The following APOE variants were observed in gnomAD, a reference collection of about 807,000 sequenced individuals.
The protein encoded by APOE is apolipoprotein E, also known as apolipoprotein E3.
In APOE, 10 loss-of-function variants were observed where a neutral mutation model predicts 13.1. That is an observed-to-expected ratio of 0.76 (90% confidence interval 0.47 to 1.29). The LOEUF (loss-of-function observed/expected upper bound fraction) is 1.29, where lower values mean the gene tolerates loss of function less well. Among genes scored for constraint, APOE ranks in the 50% most tolerant of loss-of-function variants. The pLI, the probability that APOE is intolerant of heterozygous loss-of-function variation, is 0.00. For missense variants in APOE, 471 were observed against 459.6 expected, an observed-to-expected ratio of 1.02 and a Z score of -0.23; for synonymous variants, 211 against 207.1, an observed-to-expected ratio of 1.02 and a Z score of -0.16.
intron 3 of APOE, 55 bp from the exon 4 acceptor site, chr19:44,908,478 C>CA: frequency 6.3e-7 from 1 of 1,588,896 alleles, no homozygotes; most frequent in South Asian, 1.1e-5. Flanking sequence ...CGCCCCATCC[C>CA]AGCCCTTCTC....
At position 44,907,252 on chromosome 19, in the gene APOE, A is replaced by T. The variant is rs148558158; in HGVS notation, c.44-508A>T. 145 of 213,196 alleles carry T rather than the reference A, an allele frequency of 6.8e-4. No homozygotes were observed. The highest frequency in any genetic ancestry group is 2.9e-3 in the African/African-American group (127 of 43,868). The allele number at this position is 213,196 out of a possible 1,614,324, so 13.2% of individuals were successfully genotyped here. On this transcript the variant is annotated intron_variant, in intron 2 of 3. Coordinates refer to ENST00000252486, the MANE Select transcript of APOE (RefSeq NM_000041.4). This position sits in a 1 kb window ranked among gnomAD's most constrained non-coding sequence, Gnocchi z 4.1. ...CAGACACGGGGCAGCTGTGATCTTT[A>T]TTCTCCATCACCCCCACACAGCCCT...
intron 3 of APOE, 144 bp downstream of exon 3, chr19:44,908,096 TG>T (rs1342653825): frequency 3.8e-6 from 3 of 783,494 alleles, no homozygotes; most frequent in Non-Finnish European, 6.5e-6. Context: ...TTCTGACTCC[TG>T]GCTTTAGCTC....
intron 1 of APOE, 155 bp downstream of exon 1, chr19:44,905,996 C>T: frequency 8.5e-7 from 1 of 1,171,102 alleles, no homozygotes; most frequent in Non-Finnish European, 1.1e-6. Context: ...CAGCAGGGGA[C>T]TGGACCTGGG....
rs11542029 is a variant in APOE at position 44,907,864 on chromosome 19, C to A, written c.148C>A (p.Arg50Ser). Residue 50 changes from arginine to serine, a missense_variant, in exon 3 of 4, where the codon CGC (arginine) becomes AGC (serine). Transcript: ENST00000252486. The surrounding 1 kb of genome is among the most constrained non-coding windows in gnomAD (Gnocchi z 4.1). ...SGQRWELALGRFWDYLRWVQT... is the reference protein window; with the variant it reads ...SGQRWELALGSFWDYLRWVQT... Reference sequence around the variant, plus strand: ...CCAGCGCTGGGAACTGGCACTGGGTCGCTTTTGGGATTACCTGCGCTGGGT... The same window carrying A: ...CCAGCGCTGGGAACTGGCACTGGGTAGCTTTTGGGATTACCTGCGCTGGGT... The A allele has an allele frequency of 1.9e-6, 3 of 1,613,896 alleles. No individual in the cohort carries two copies. The highest frequency in any genetic ancestry group is 1.3e-5 in the African/African-American group (1 of 74,920).
At chr19:44,906,578 G>A (rs553917464) in intron 1 of APOE, 24 bp from the exon 2 acceptor site, 6 of 1,614,016 alleles carry the variant, frequency 3.7e-6, no homozygotes, top group Non-Finnish European at 5.1e-6. Context: ...ACTGGCGGTT[G>A]ATTGACAGTT....
rs11542039 is a variant in APOE at position 44,908,722 on chromosome 19, C to G, written c.426C>G (p.Ala142=). 1.3e-6 allele frequency: 2 copies of G among 1,559,356 alleles called. No homozygotes were observed. Among genetic ancestry groups the G allele is most frequent in the East Asian group, 2.4e-5 (1 of 41,630 alleles). The change falls in exon 4 of 4, where the codon GCC becomes GCG. Residue 142 remains alanine, a synonymous_variant. Coordinates refer to ENST00000252486, the MANE Select transcript of APOE (RefSeq NM_000041.4). ...RLVQYRGEVQ[A]MLGQSTEELR... The stretch of plus-strand genomic sequence containing the variant: ...TGCAGTACCGCGGCGAGGTGCAGGC[C>G]ATGCTCGGCCAGAGCACCGAGGAGC...
rs121918398 is a variant in APOE, at chr19:44,909,171, G to T, written c.875G>T (p.Arg292Leu). The stretch of plus-strand genomic sequence containing the variant: ...GAGCCCCTGGTGGAAGACATGCAGC[G>T]CCAGTGGGCCGGGCTGGTGGAGAAG... The part of the protein sequence containing the change: ...WFEPLVEDMQ[R>L]QWAGLVEKVQ... The change falls in exon 4 of 4, where the codon CGC (arginine) becomes CTC (leucine). Residue 292 changes from arginine to leucine, a missense_variant. Transcript: ENST00000252486. The T allele has an allele frequency of 1.9e-6, 3 of 1,600,198 alleles. No individual in the cohort carries two copies. The highest frequency in any genetic ancestry group is 8.5e-7 in the Non-Finnish European group (1 of 1,178,892).
intron 3 of APOE, 86 bp from the exon 4 acceptor site, chr19:44,908,447 C>G: frequency 7.2e-7 from 1 of 1,398,552 alleles, no homozygotes. Context: ...TTGGGTCTCT[C>G]TGGCTCATCC....
Position 44,907,991 on chromosome 19 carries a change from G to A in APOE, c.236+39G>A, listed in dbSNP as rs1195446500. On this transcript the variant is annotated intron_variant, in intron 3 of 3. Coordinates refer to ENST00000252486, the MANE Select transcript of APOE (RefSeq NM_000041.4). This position sits in a 1 kb window ranked among gnomAD's most constrained non-coding sequence, Gnocchi z 4.1. ...TCCTGGCCCTTGACCCTCCTGGTGGGCGGCTATACCTCCCCAGGTCCAGGT... is the reference window on the plus strand; with the variant it reads ...TCCTGGCCCTTGACCCTCCTGGTGGACGGCTATACCTCCCCAGGTCCAGGT... 12 of 1,597,108 alleles carry A rather than the reference G, an allele frequency of 7.5e-6. No individual in the cohort carries two copies. The highest frequency in any genetic ancestry group is 1.3e-5 in the African/African-American group (1 of 74,534).
Position 44,907,328 on chromosome 19 carries a change from G to A in APOE, c.44-432G>A, listed in dbSNP as rs1346955661. 3.6e-6 allele frequency: 1 copy of A among 281,262 alleles called. No homozygotes were observed. The highest frequency in any genetic ancestry group is 7.0e-6 in the Non-Finnish European group (1 of 142,570). 17.4% of individuals were successfully genotyped at this position (281,262 alleles called of 1,614,324 possible). The stretch of plus-strand genomic sequence containing the variant: ...TACATGCTTTTCCGCTGGGCGCGGT[G>A]GCTCACCCCTGTAATCCCAGCACTT... On this transcript the variant is annotated intron_variant, in intron 2 of 3. Coordinates refer to ENST00000252486, the MANE Select transcript of APOE (RefSeq NM_000041.4). The surrounding 1 kb of genome is among the most constrained non-coding windows in gnomAD (Gnocchi z 4.1).
chr19:44,909,052 G>T lies in APOE; in HGVS notation c.756G>T (p.Glu252Asp). The change falls in exon 4 of 4, where the codon GAG becomes GAT. Residue 252 changes from glutamate (E) to aspartate (D), a missense_variant. By Grantham distance (45) the Glu-to-Asp change is conservative. Transcript: ENST00000252486. ...GCGACCGCCTGGACGAGGTGAAGGA[G>T]CAGGTGGCGGAGGTGCGCGCCAAGC... is the stretch of plus-strand genomic sequence containing the variant. ...RTRDRLDEVK[E>D]QVAEVRAKLE... 1 of 1,559,694 alleles carries T rather than the reference G, an allele frequency of 6.4e-7. No individual in the cohort carries two copies. Among genetic ancestry groups the T allele is most frequent in the Non-Finnish European group, 8.6e-7 (1 of 1,158,424 alleles).
rs1363087395 is a variant in APOE, at chr19:44,907,028, A to C, written c.43+361A>C. The C allele has an allele frequency of 2.6e-5, 8 of 308,234 alleles. No homozygotes were observed. Among genetic ancestry groups the C allele is most frequent in the Admixed American group, 1.4e-4 (3 of 21,470 alleles). 19.1% of individuals were successfully genotyped at this position (308,234 alleles called of 1,614,324 possible). ...CCCAAGTAGCTGGGACTACAGGCAC[A>C]TGCCACCACACCCGACTAACTTTTT... On this transcript the variant is annotated intron_variant, in intron 2 of 3. Coordinates refer to ENST00000252486, the MANE Select transcript of APOE (RefSeq NM_000041.4). This position sits in a 1 kb window ranked among gnomAD's most constrained non-coding sequence, Gnocchi z 4.1.
intron 1 of APOE, among the ~76,000 whole-genome samples, chr19:44,906,209 T>A (rs1459908613): frequency 2.0e-5 from 3 of 152,030 alleles, no homozygotes; most frequent in Non-Finnish European, 4.4e-5. Context: ...ATTGGAGAAC[T>A]TTAAAATGAG....
Position 44,906,551 on chromosome 19 carries a change from G to A in APOE, c.-23-51G>A, listed in dbSNP as rs1233418410. The A allele has an allele frequency of 1.9e-6, 3 of 1,606,146 alleles. No homozygotes were observed. In the Admixed American group the frequency reaches 5.0e-5, roughly 27 times the overall value. ...TGAGGCCGGGTTGGGGCCGGGCTGG[G>A]GGTGGGAGGAGTCCTCACTGGCGGT... On this transcript the variant is annotated intron_variant, in intron 1 of 3. Transcript: ENST00000252486.
chr19:44,906,499 A>C, intron 1 of APOE, 103 bp from the exon 2 acceptor site: 1 of 1,241,292 alleles, frequency 8.1e-7, no homozygotes, highest in South Asian at 1.2e-5. Context: ...CAGATAATGC[A>C]ACAAGGCTTG....
Position 44,909,263 on chromosome 19 carries a change from G to T in APOE, c.*13G>T. 1.3e-6 allele frequency: 2 copies of T among 1,595,224 alleles called. No individual in the cohort carries two copies. The highest frequency in any genetic ancestry group is 1.3e-5 in the African/African-American group (1 of 74,946). ...CGACAATCACTGAACGCCGAAGCCTGCAGCCATGCGACCCCACGCCACCCC... is the reference window on the plus strand; with the variant it reads ...CGACAATCACTGAACGCCGAAGCCTTCAGCCATGCGACCCCACGCCACCCC... On this transcript the variant is annotated 3_prime_UTR_variant, in exon 4 of 4. Coordinates refer to ENST00000252486, the MANE Select transcript of APOE (RefSeq NM_000041.4).
intron 1 of APOE, 37 bp from the exon 2 acceptor site, chr19:44,906,565 C>A: frequency 1.9e-6 from 3 of 1,613,332 alleles, no homozygotes; most frequent in Non-Finnish European, 2.5e-6. Context: ...GGGAGGAGTC[C>A]TCACTGGCGG....
chr19:44,907,199 T>C lies in APOE; in HGVS notation c.43+532T>C. The C allele has an allele frequency of 5.0e-6, 1 of 198,864 alleles. No homozygotes were observed. The highest frequency in any genetic ancestry group is 1.0e-5 in the Non-Finnish European group (1 of 95,528). The allele number at this position is 198,864 out of a possible 1,614,324, so 12.3% of individuals were successfully genotyped here. On this transcript the variant is annotated intron_variant, in intron 2 of 3. Coordinates refer to ENST00000252486, the MANE Select transcript of APOE (RefSeq NM_000041.4). The surrounding 1 kb of genome is among the most constrained non-coding windows in gnomAD (Gnocchi z 4.1). ...CACCTGGCTGGGAGTTAGAGGTTTCTAATGCATTGCAGGCAGATAGTGAAT... is the reference window on the plus strand; with the variant it reads ...CACCTGGCTGGGAGTTAGAGGTTTCCAATGCATTGCAGGCAGATAGTGAAT...
At position 44,906,687 on chromosome 19, in the gene APOE, T is replaced by C. The variant is rs1169889788; in HGVS notation, c.43+20T>C. The C allele has an allele frequency of 1.1e-5, 17 of 1,613,024 alleles. No homozygotes were observed. Among genetic ancestry groups the C allele is most frequent in the Non-Finnish European group, 1.4e-5 (17 of 1,179,250 alleles). On this transcript the variant is annotated intron_variant, in intron 2 of 3. Transcript: ENST00000252486. ...TGGCAGGTATGGGGGCGGGGCTTGC[T>C]CGGTTCCCCCCGCTCCTCCCCCTCT...
Sources: allele counts gnomAD v4.1 joint callset (sites outside exome capture counted in the v4.1 genomes callset), GRCh38; gene constraint gnomAD v4.1.1; non-coding constraint Gnocchi (gnomAD v3.1); transcripts MANE v1.5; gene names NCBI Gene and HGNC (gene_info 2026-07-23, HGNC 2026-07-21).